Variants in TMEM50A observed in about 807,000 individuals in gnomAD.
TMEM50A encodes the protein cervical cancer oncogene 9.
Under a neutral mutation model 23.9 loss-of-function variants are expected in TMEM50A, and 8 were observed. The ratio of observed to expected loss-of-function variants is 0.33; its 90% confidence interval spans 0.20 to 0.60. The LOEUF (loss-of-function observed/expected upper bound fraction) is 0.60. Among genes scored for constraint, TMEM50A ranks in the 20% least tolerant of loss-of-function variants. The pLI is 0.81. For missense variants in TMEM50A, 178 were observed against 192.7 expected, an observed-to-expected ratio of 0.92 and a Z score of 0.45; for synonymous variants, 55 against 60.4, an observed-to-expected ratio of 0.91 and a Z score of 0.41.
rs1253474899 is a variant in TMEM50A, at chr1:25,361,437, C to CT, written c.*734dup. The CT allele has an allele frequency of 6.6e-6, 1 of 152,334 alleles. No homozygotes were observed. Among genetic ancestry groups the CT allele is most frequent in the African/African-American group, 2.4e-5 (1 of 41,450 alleles). 9.4% of individuals were successfully genotyped at this position (152,334 alleles called of 1,614,324 possible). A position where few individuals can be genotyped will look rare whatever the true frequency, so the allele number is the denominator to read the frequency against. On this transcript the variant is annotated 3_prime_UTR_variant, in exon 7 of 7. Transcript: ENST00000374358. The stretch of plus-strand genomic sequence containing the variant: ...GAAGGAAAGGAAAAAAGGGCAGAGA[C>CT]TTGACACTCCAGTCTTAGACAGGGG...
intron 3 of TMEM50A, among the ~76,000 whole-genome samples, chr1:25,348,135 C>G (rs1401648875): frequency 6.6e-6 from 1 of 152,114 alleles, no homozygotes; most frequent in Admixed American, 6.5e-5. Context: ...GCAGAGCTGA[C>G]TTCATGTCTT....
chr1:25,338,591 C>G (rs1054467734), intron 1 of TMEM50A, 135 bp downstream of exon 1: 2 of 152,452 alleles, frequency 1.3e-5, no homozygotes, highest in Non-Finnish European at 2.9e-5. Flanking sequence ...GCCGCAGACC[C>G]GGGCTGAGCC....
Position 25,362,095 on chromosome 1 carries a change from A to G in TMEM50A, c.*1390A>G, listed in dbSNP as rs550756320. The G allele has an allele frequency of 9.7e-6, 3 of 308,566 alleles. No individual in the cohort carries two copies. The East Asian group carries it at 2.5e-4, about 26-fold the overall frequency. The allele number at this position is 308,566 out of a possible 1,614,324, so 19.1% of individuals were successfully genotyped here. ...GCTCAGGGAATGCCAGCCACCTTGT[A>G]AAACTGCTGGGAGAAAAGCATGATT... On this transcript the variant is annotated 3_prime_UTR_variant, in exon 7 of 7. Transcript: ENST00000374358.
chr1:25,350,690 G>A (rs1341347004), intron 3 of TMEM50A, among the ~76,000 whole-genome samples: 2 of 151,738 alleles, frequency 1.3e-5, no homozygotes, highest in Non-Finnish European at 2.9e-5. Context: ...GCCCAGCCTC[G>A]TTCCCAAATT....
chr1:25,347,630 A>T (rs1365903429), intron 3 of TMEM50A, among the ~76,000 whole-genome samples: 1 of 152,214 alleles, frequency 6.6e-6, no homozygotes, highest in Non-Finnish European at 1.5e-5. Context: ...AAATTTTGCT[A>T]CAGTTACTTA....
At chr1:25,349,251 C>G (rs766625974) in intron 3 of TMEM50A, among the ~76,000 whole-genome samples, 19 of 152,168 alleles carry the variant, frequency 1.2e-4, no homozygotes, top group Admixed American at 2.0e-4. Flanking sequence ...GATTATTTAA[C>G]TAGTAACTTT....
At chr1:25,359,526 AAAAT>A (rs888876534) in intron 6 of TMEM50A, among the ~76,000 whole-genome samples, 1 of 151,482 alleles carries the variant, frequency 6.6e-6, no homozygotes, top group African/African-American at 2.4e-5. Flanking sequence ...AAAAAATCAC[AAAAT>A]AAATCTCATA....
At chr1:25,346,355 G>A (rs543151036) in intron 3 of TMEM50A, among the ~76,000 whole-genome samples, 3 of 151,308 alleles carry the variant, frequency 2.0e-5, no homozygotes, top group Admixed American at 6.6e-5. Flanking sequence ...CCCAATCATC[G>A]TGCCTAAGAA....
At position 25,342,357 on chromosome 1, in the gene TMEM50A, T is replaced by G. The variant is rs192783917; in HGVS notation, c.94-604T>G. 1.4e-4 allele frequency among the ~76,000 whole-genome samples: 21 copies of G among 152,336 alleles called. 1 individual carries two copies. In the East Asian group the frequency reaches 3.3e-3, roughly 24 times the overall value. On this transcript the variant is annotated intron_variant, in intron 2 of 6. Transcript: ENST00000374358. ...ACTGTTTTTGAAGTTTTGGCGTTATTTTGTTATACCTTTGCCCTTGATAAT... is the reference window on the plus strand; with the variant it reads ...ACTGTTTTTGAAGTTTTGGCGTTATGTTGTTATACCTTTGCCCTTGATAAT...
intron 4 of TMEM50A, 83 bp from the exon 5 acceptor site, chr1:25,352,798 TC>T: frequency 7.6e-6 from 10 of 1,314,604 alleles, no homozygotes; most frequent in Middle Eastern, 1.9e-4. Context: ...TTTTTTTTTT[TC>T]TGTTTGGGTT....
intron 3 of TMEM50A, among the ~76,000 whole-genome samples, chr1:25,346,781 G>A (rs985441296): frequency 3.3e-5 from 5 of 152,134 alleles, no homozygotes; most frequent in Admixed American, 3.3e-4. Context: ...CACTTTGGGA[G>A]GCCAAAGTGG....
At chr1:25,340,677 T>C (rs1337884792) in intron 2 of TMEM50A, 98 bp downstream of exon 2, 1 of 835,452 alleles carries the variant, frequency 1.2e-6, no homozygotes, top group Non-Finnish European at 1.9e-6. Flanking sequence ...CTATTTATTT[T>C]ATCTTTGACC....
chr1:25,360,560 T>C, intron 6 of TMEM50A, 100 bp from the exon 7 acceptor site: 1 of 1,315,284 alleles, frequency 7.6e-7, no homozygotes, highest in East Asian at 2.3e-5. Context: ...CTACAACTCA[T>C]CAATTATTCT....
chr1:25,347,247 T>C (rs1001536219), intron 3 of TMEM50A, among the ~76,000 whole-genome samples: 5 of 151,978 alleles, frequency 3.3e-5, no homozygotes, highest in Non-Finnish European at 7.4e-5. Context: ...CTTTTTTTTT[T>C]TCTTTTGAGA....
chr1:25,348,387 T>A (rs1030210477), intron 3 of TMEM50A, among the ~76,000 whole-genome samples: 1 of 152,196 alleles, frequency 6.6e-6, no homozygotes, highest in Non-Finnish European at 1.5e-5. Flanking sequence ...TATTTTTTAA[T>A]TTTAAAAATG....
chr1:25,362,132 T>A lies in TMEM50A; in HGVS notation c.*1427T>A. On this transcript the variant is annotated 3_prime_UTR_variant, in exon 7 of 7. Transcript: ENST00000374358. The stretch of plus-strand genomic sequence containing the variant: ...AGAAAAGCATGATTCCCACAAGGAC[T>A]AAGTATCAGTGATTTGTAATTTTCC... 1 of 351,976 alleles carries A rather than the reference T, an allele frequency of 2.8e-6. No homozygotes were observed. Among genetic ancestry groups the A allele is most frequent in the South Asian group, 2.6e-5 (1 of 38,024 alleles). 21.8% of individuals were successfully genotyped at this position (351,976 alleles called of 1,614,324 possible).
chr1:25,340,508 T>G lies in TMEM50A; in HGVS notation c.22T>G (p.Leu8Val), dbSNP rs776565672. MSGFLEG[L>V]RCSECIDWGE... ...AAAAATGTCTGGATTTCTAGAGGGC[T>G]TGAGATGCTCAGAATGCATTGACTG... is the stretch of plus-strand genomic sequence containing the variant. The change falls in exon 2 of 7, where the codon TTG becomes GTG. Residue 8 changes from leucine to valine, a missense_variant. Coordinates refer to ENST00000374358, the MANE Select transcript of TMEM50A (RefSeq NM_014313.4). 1 of 1,613,622 alleles carries G rather than the reference T, an allele frequency of 6.2e-7. No homozygotes were observed. Among genetic ancestry groups the G allele is most frequent in the Admixed American group, 1.7e-5 (1 of 59,938 alleles).
In TMEM50A at chr1:25,352,882, G is replaced by C; in HGVS notation, c.275G>C (p.Gly92Ala). 1 of 1,612,878 alleles carries C rather than the reference G, an allele frequency of 6.2e-7. No individual in the cohort carries two copies. Among genetic ancestry groups the C allele is most frequent in the African/African-American group, 1.3e-5 (1 of 74,886 alleles). ...CTGGTAAAATATTATTTCTTTGAAGGTGCTCGCATTTGGCTTTTCGTTGGT... is the reference window on the plus strand; with the variant it reads ...CTGGTAAAATATTATTTCTTTGAAGCTGCTCGCATTTGGCTTTTCGTTGGT... ...SYSEGCLGQT[G>A]ARIWLFVGFM... is the part of the protein sequence containing the mutation. Residue 92 changes from glycine (G) to alanine (A), a missense_variant and splice_region_variant, in exon 5 of 7, where the codon GGT becomes GCT. Gly to Ala is a moderately conservative substitution (Grantham distance 60). Coordinates refer to ENST00000374358, the MANE Select transcript of TMEM50A (RefSeq NM_014313.4).
At chr1:25,343,260 C>T (rs1442242573) in intron 3 of TMEM50A, among the ~76,000 whole-genome samples, 187 bp downstream of exon 3, 3 of 152,088 alleles carry the variant, frequency 2.0e-5, no homozygotes, top group African/African-American at 7.2e-5. Context: ...TTTTGTGTAC[C>T]TCTCCACTCC....
Sources: allele counts gnomAD v4.1 joint callset (sites outside exome capture counted in the v4.1 genomes callset), GRCh38; gene constraint gnomAD v4.1.1; transcripts MANE v1.5; gene names NCBI Gene and HGNC (gene_info 2026-07-23, HGNC 2026-07-21).